The following RECQL5 variants were observed in gnomAD, a reference collection of about 807,000 sequenced individuals.
RECQL5 encodes the protein RecQ like helicase 5, also known as ATP-dependent DNA helicase Q5.
A neutral mutation model predicts 103.4 loss-of-function variants in RECQL5; 88 were observed. The ratio of observed to expected loss-of-function variants is 0.85; its 90% CI spans 0.72 to 1.02. The LOEUF (loss-of-function observed/expected upper bound fraction) is 1.02, where lower values mean the gene tolerates loss of function less well. Among genes scored for constraint, RECQL5 ranks in the 50% least tolerant of loss-of-function variants. The probability of loss-of-function intolerance (pLI) is 0.00; values close to 1 mark genes in which losing one functional copy is unlikely to be tolerated. For missense variants in RECQL5, 1,232 were observed against 1,284.3 expected (o/e 0.96, Z 0.62); for synonymous variants, 552 against 507.9 (o/e 1.09, Z -1.17).
chr17:75,645,811 G>A (rs918585143), intron 8 of RECQL5, among the ~76,000 whole-genome samples: 2 of 152,158 alleles, frequency 1.3e-5, no homozygotes, highest in Non-Finnish European at 2.9e-5. Flanking sequence ...TAAACAATAC[G>A]ACATCCTGGC....
rs190166253 is a variant in RECQL5, at chr17:75,666,042, G to A, written c.130+386C>T. ...TTGCTGTTCGTTTGTGTGTACAAAC[G>A]AACAATAATGAGAATCTGAAGTGTT... On this transcript the variant is annotated intron_variant, in intron 2 of 19. Coordinates refer to ENST00000317905, the MANE Select transcript of RECQL5 (RefSeq NM_004259.7). 3.9e-5 allele frequency among the ~76,000 whole-genome samples: 6 copies of A among 152,274 alleles called. No individual in the cohort carries two copies. In the East Asian group the frequency reaches 9.6e-4, roughly 24 times the overall value.
intron 14 of RECQL5, 71 bp downstream of exon 14, chr17:75,630,113 G>T: frequency 1.5e-6 from 2 of 1,324,946 alleles, no homozygotes. Flanking sequence ...CAGAGAGCTG[G>T]CAGACAGCTT....
Position 75,630,686 on chromosome 17 carries a change from C to T in RECQL5, c.1651G>A (p.Glu551Lys). The T allele has an allele frequency of 6.2e-7, 1 of 1,613,640 alleles. No individual in the cohort carries two copies. ...TCCTCCAGAAGCCGCAGGCAGTGCT[C>T]CCGTGCCTGGCACAGGACAGTGAGA... is the stretch of plus-strand genomic sequence containing the variant. ...RIPRLTVKAR[E>K]HCLRLLEEAL... The change falls in exon 13 of 20, where the codon GAG becomes AAG. Residue 551 changes from glutamate to lysine, a missense_variant. Coordinates refer to ENST00000317905, the MANE Select transcript of RECQL5 (RefSeq NM_004259.7).
chr17:75,631,506 G>A lies in RECQL5; in HGVS notation c.1392C>T (p.Asn464=), dbSNP rs747152535. The A allele has an allele frequency of 5.6e-6, 9 of 1,613,272 alleles. No individual in the cohort carries two copies. The highest frequency in any genetic ancestry group is 2.2e-5 in the East Asian group (1 of 44,886). Residue 464 remains asparagine, a synonymous_variant, in exon 9 of 20, where the codon AAC becomes AAT. Coordinates refer to ENST00000317905, the MANE Select transcript of RECQL5 (RefSeq NM_004259.7). ...CCTCATACAGCTCGGGGTCAAAGCCGTTCCCCTGGGAGGGCCCGATGCAGG... is the reference window on the plus strand; with the variant it reads ...CCTCATACAGCTCGGGGTCAAAGCCATTCCCCTGGGAGGGCCCGATGCAGG... ...SKTCIGPSQG[N]GFDPELYEGG... is the part of the protein sequence containing the mutation.
In RECQL5 at chr17:75,630,233, A is replaced by G; in HGVS notation, c.1763T>C (p.Phe588Ser). 1 of 1,561,740 alleles carries G rather than the reference A, an allele frequency of 6.4e-7. No individual in the cohort carries two copies. The highest frequency in any genetic ancestry group is 1.4e-5 in the African/African-American group (1 of 73,984). Reference protein sequence around the residue: ...AKAVELEHETFRNAKVANLYK... With the variant: ...AKAVELEHETSRNAKVANLYK... The stretch of plus-strand genomic sequence containing the variant: ...GAGGTTGGCCACCTTGGCGTTCCGG[A>G]ATGTCTCATGTTCCAGCTCCACGGC... The change falls in exon 14 of 20, where the codon TTC becomes TCC. Residue 588 changes from phenylalanine to serine, a missense_variant. Coordinates refer to ENST00000317905, the MANE Select transcript of RECQL5 (RefSeq NM_004259.7).
At chr17:75,644,800 G>A (rs777342859) in intron 8 of RECQL5, among the ~76,000 whole-genome samples, 6 of 145,060 alleles carry the variant, frequency 4.1e-5, no homozygotes, top group Admixed American at 7.1e-5. Flanking sequence ...CTGCACTCCA[G>A]CCTGGGCTAC....
At chr17:75,631,304 G>GTGC in intron 9 of RECQL5, 55 bp from the exon 10 acceptor site, 1 of 1,575,444 alleles carries the variant, frequency 6.3e-7, no homozygotes, top group South Asian at 1.1e-5. Context: ...CTCCCCATGT[G>GTGC]TGCTGCTGCT....
At chr17:75,662,161 CA>C (rs1191651793) in intron 4 of RECQL5, among the ~76,000 whole-genome samples, 6 of 147,144 alleles carry the variant, frequency 4.1e-5, no homozygotes, top group South Asian at 2.1e-4. Context: ...AACTCCATCT[CA>C]AAAAAAAAAC....
chr17:75,651,218 A>G lies in RECQL5; in HGVS notation c.1197T>C (p.Phe399=). 1 of 1,614,212 alleles carries G rather than the reference A, an allele frequency of 6.2e-7. No homozygotes were observed. The highest frequency in any genetic ancestry group is 1.1e-5 in the South Asian group (1 of 91,088). Residue 399 remains phenylalanine (F), a synonymous_variant, in exon 8 of 20, where the codon TTT becomes TTC. Transcript: ENST00000317905. ...CTTCACAGAAGGTCACCAGGGCATC[A>G]AAGGCCATGATAGTGGCTTTATCAG... ...KASDKATIMA[F]DALVTFCEEL... is the part of the protein sequence containing the mutation.
chr17:75,627,444 C>A lies in RECQL5; in HGVS notation c.2954G>T (p.Gly985Val), dbSNP rs1167983890. Residue 985 changes from glycine to valine, a missense_variant, in exon 20 of 20, where the codon GGC becomes GTC. Coordinates refer to ENST00000317905, the MANE Select transcript of RECQL5 (RefSeq NM_004259.7). ...TGGTCATCTCTGGGGGCCACACAGG[C>A]CATGCCAGTCAGCTTCGCTCTCGCA... ...ARCESEADWH[G>V]LCGPQR is the part of the protein sequence containing the mutation. The A allele has an allele frequency of 1.9e-6, 3 of 1,613,456 alleles. No homozygotes were observed. Among genetic ancestry groups the A allele is most frequent in the African/African-American group, 2.7e-5 (2 of 74,938 alleles).
intron 8 of RECQL5, chr17:75,650,377 C>T (rs988466640): frequency 2.4e-5 from 28 of 1,182,540 alleles, no homozygotes; most frequent in African/African-American, 6.2e-5. Context: ...CTGATTTCCT[C>T]GCTTTTTTCT....
At chr17:75,645,537 G>A (rs1383417685) in intron 8 of RECQL5, among the ~76,000 whole-genome samples, 2 of 152,238 alleles carry the variant, frequency 1.3e-5, no homozygotes, top group East Asian at 3.8e-4. Flanking sequence ...GCCATGAACA[G>A]GTTTGGGAAC....
intron 7 of RECQL5, among the ~76,000 whole-genome samples, chr17:75,656,996 G>C (rs952114029): frequency 6.6e-6 from 1 of 151,932 alleles, no homozygotes; most frequent in African/African-American, 2.4e-5. Flanking sequence ...CACCCGCCTC[G>C]GCCTCCCAAA....
At chr17:75,649,821 C>G (rs544855284) in intron 8 of RECQL5, 1 of 985,358 alleles carries the variant, frequency 1.0e-6, no homozygotes, top group South Asian at 4.7e-5. Context: ...AACACCGTCA[C>G]CTGGACTCCT....
At position 75,665,083 on chromosome 17, in the gene RECQL5, T is replaced by C. The variant is rs552350778; in HGVS notation, c.220A>G (p.Ile74Val). 5 of 1,611,726 alleles carry C rather than the reference T, an allele frequency of 3.1e-6. No homozygotes were observed. Among genetic ancestry groups the C allele is most frequent in the East Asian group, 4.5e-5 (2 of 44,618 alleles). The part of the protein sequence containing the change: ...LPALLAKGIT[I>V]VVSPLIALIQ... Reference sequence around the variant, plus strand: ...AAAGCAATGAGAGGAGAGACTACAATGGTGATGCCTTTGGCCAACAGAGCA... The same window carrying C: ...AAAGCAATGAGAGGAGAGACTACAACGGTGATGCCTTTGGCCAACAGAGCA... Residue 74 changes from isoleucine to valine, a missense_variant, in exon 3 of 20, where the codon ATT (isoleucine) becomes GTT (valine). Ile to Val is a conservative substitution (Grantham distance 29). Transcript: ENST00000317905.
At chr17:75,655,757 G>A (rs147302603) in intron 7 of RECQL5, among the ~76,000 whole-genome samples, 9 of 152,074 alleles carry the variant, frequency 5.9e-5, no homozygotes, top group Non-Finnish European at 8.8e-5. Context: ...TCAGCTTACC[G>A]CAACCTCAAC....
chr17:75,662,711 C>T lies in RECQL5; in HGVS notation c.539G>A (p.Arg180His), dbSNP rs202162742. Residue 180 changes from arginine (R) to histidine (H), a missense_variant, in exon 4 of 20, where the codon CGC becomes CAC. By Grantham distance (29) the Arg-to-His change is conservative. Coordinates refer to ENST00000317905, the MANE Select transcript of RECQL5 (RefSeq NM_004259.7). ...RPDYLRLGAL[R>H]SRLGHAPCVA... ...ACAAGGGGCATGTCCCAGGCGGGAG[C>T]GCAGGGCACCCAGACGCAAGTAGTC... The T allele has an allele frequency of 3.3e-5, 54 of 1,614,000 alleles. No individual in the cohort carries two copies. The Admixed American group carries it at 7.0e-4, about 21-fold the overall frequency.
At position 75,640,115 on chromosome 17, in the gene RECQL5, C is replaced by G. The variant is rs972926372; in HGVS notation, c.1230-8447G>C. ...CGAGGGTGGAATCTCGGTGCTGCGA[C>G]GAGTGTGGGGCCAGCCGTGGAGGCT... On this transcript the variant is annotated intron_variant, in intron 8 of 19. Coordinates refer to ENST00000317905, the MANE Select transcript of RECQL5 (RefSeq NM_004259.7). This position sits in a 1 kb window ranked among gnomAD's most constrained non-coding sequence, Gnocchi z 4.6. 1.4e-6 allele frequency: 2 copies of G among 1,439,176 alleles called. No individual in the cohort carries two copies. The highest frequency in any genetic ancestry group is 5.0e-5 in the East Asian group (2 of 39,686). The allele number at this position is 1,439,176 out of a possible 1,614,324, so 89.2% of individuals were successfully genotyped here. A position where few individuals can be genotyped will look rare whatever the true frequency, so the allele number is the denominator to read the frequency against.
chr17:75,641,864 CCT>C (rs1186968221), intron 8 of RECQL5, among the ~76,000 whole-genome samples: 1 of 152,182 alleles, frequency 6.6e-6, no homozygotes, highest in Non-Finnish European at 1.5e-5. Flanking sequence ...ACACCCTCAC[CCT>C]GTCAGCTGCG....
Sources: allele counts gnomAD v4.1 joint callset (sites outside exome capture counted in the v4.1 genomes callset), GRCh38; gene constraint gnomAD v4.1.1; non-coding constraint Gnocchi (gnomAD v3.1); transcripts MANE v1.5; gene names NCBI Gene and HGNC (gene_info 2026-07-23, HGNC 2026-07-21).